The following LRRC4C variants were observed in gnomAD, a reference collection of about 807,000 sequenced individuals.
LRRC4C encodes the protein leucine rich repeat containing 4C.
A neutral mutation model predicts 33.6 loss-of-function variants in LRRC4C; 5 were observed. That is an observed-to-expected ratio of 0.15 (90% CI 0.08 to 0.31). The LOEUF (loss-of-function observed/expected upper bound fraction) is 0.31. Ranked by LOEUF, LRRC4C falls within the 10% of genes least tolerant of loss-of-function variation. The probability of loss-of-function intolerance (pLI) is 1.00; values close to 1 mark genes in which losing one functional copy is unlikely to be tolerated. For synonymous variants in LRRC4C, 329 were observed against 302.0 expected (o/e 1.09, Z -0.93); for missense variants, 560 against 796.7 (o/e 0.70, Z 3.58).
chr11:40,356,780 T>C (rs1354500339), intron 3 of LRRC4C, among the ~76,000 whole-genome samples: 2 of 152,160 alleles, frequency 1.3e-5, no homozygotes, highest in African/African-American at 2.4e-5. Context: ...ACCATACTAA[T>C]ATACATTCCC....
At chr11:40,676,315 C>T (rs772089794) in intron 2 of LRRC4C, among the ~76,000 whole-genome samples, 2 of 152,072 alleles carry the variant, frequency 1.3e-5, no homozygotes, top group Non-Finnish European at 2.9e-5. Flanking sequence ...TTGTCCAATC[C>T]TTGTCTTTTG....
intron 3 of LRRC4C, among the ~76,000 whole-genome samples, chr11:40,509,775 A>C (rs79257282): frequency 0.015 from 2,209 of 152,334 alleles, 56 homozygotes; most frequent in African/African-American, 0.05. Flanking sequence ...TATTTGAAAC[A>C]GTGAGGTAAT....
chr11:41,146,210 C>A (rs1943721437), intron 1 of LRRC4C, among the ~76,000 whole-genome samples: 2 of 152,110 alleles, frequency 1.3e-5, no homozygotes, highest in African/African-American at 4.8e-5. Context: ...AGAATGTAAT[C>A]ATTGTTAGTC....
chr11:41,099,263 G>T (rs1298764713), intron 1 of LRRC4C, among the ~76,000 whole-genome samples: 1 of 151,440 alleles, frequency 6.6e-6, no homozygotes, highest in Non-Finnish European at 1.5e-5. Context: ...GATATACAAA[G>T]AATAGCTGAT....
At chr11:41,408,225 T>C (rs1299369773) in intron 1 of LRRC4C, among the ~76,000 whole-genome samples, 1 of 152,200 alleles carries the variant, frequency 6.6e-6, no homozygotes, top group African/African-American at 2.4e-5. Flanking sequence ...TGTTATTACA[T>C]GTAGTCAGGA....
chr11:40,368,509 G>A (rs1025393479), intron 3 of LRRC4C, among the ~76,000 whole-genome samples: 1 of 152,116 alleles, frequency 6.6e-6, no homozygotes, highest in African/African-American at 2.4e-5. Context: ...ATTCCCACTA[G>A]ACAGTACGTT....
intron 1 of LRRC4C, among the ~76,000 whole-genome samples, chr11:41,206,950 T>G (rs974078771): frequency 1.3e-5 from 2 of 152,150 alleles, no homozygotes; most frequent in Non-Finnish European, 2.9e-5. Flanking sequence ...ACATTATAAG[T>G]ATATATGATG....
chr11:40,492,362 AT>A (rs1954204695), intron 3 of LRRC4C, among the ~76,000 whole-genome samples: 1 of 152,164 alleles, frequency 6.6e-6, no homozygotes, highest in African/African-American at 2.4e-5. Flanking sequence ...ATGAAAGACC[AT>A]TTTGCTTTCA....
chr11:41,151,922 A>G (rs1418367400), intron 1 of LRRC4C, among the ~76,000 whole-genome samples: 2 of 152,214 alleles, frequency 1.3e-5, no homozygotes, highest in Admixed American at 6.5e-5. Context: ...AGAATACATG[A>G]ATTATTTCCT....
chr11:40,633,498 C>G (rs1264088362), intron 3 of LRRC4C, among the ~76,000 whole-genome samples: 1 of 151,560 alleles, frequency 6.6e-6, no homozygotes, highest in East Asian at 1.9e-4. Flanking sequence ...AAGTGATTCT[C>G]CTGCCTCAGC....
At chr11:40,491,024 C>T (rs1410560464) in intron 3 of LRRC4C, among the ~76,000 whole-genome samples, 1 of 152,094 alleles carries the variant, frequency 6.6e-6, no homozygotes, top group Non-Finnish European at 1.5e-5. Flanking sequence ...TGGCTCACAC[C>T]TGCAACTCCT....
chr11:40,915,863 A>G (rs1414441310), intron 2 of LRRC4C, among the ~76,000 whole-genome samples: 2 of 152,160 alleles, frequency 1.3e-5, no homozygotes, highest in Non-Finnish European at 2.9e-5. Flanking sequence ...AAAAACAAAC[A>G]ACCCCATCAA....
intron 3 of LRRC4C, among the ~76,000 whole-genome samples, chr11:40,485,713 C>A (rs1326251429): frequency 6.6e-6 from 1 of 151,960 alleles, no homozygotes; most frequent in African/African-American, 2.4e-5. Context: ...CATGTATGTT[C>A]ATTGCAGCAC....
chr11:41,214,502 C>T (rs561651326), intron 1 of LRRC4C, among the ~76,000 whole-genome samples: 14 of 139,908 alleles, frequency 1.0e-4, no homozygotes, highest in African/African-American at 3.4e-4. Context: ...GAGGCCAAGG[C>T]GGGTGGATCA....
At chr11:41,300,715 C>T (rs975789175) in intron 1 of LRRC4C, among the ~76,000 whole-genome samples, 1 of 152,196 alleles carries the variant, frequency 6.6e-6, no homozygotes, top group Non-Finnish European at 1.5e-5. Context: ...CTATCCAAAG[C>T]TAACCAGAAC....
chr11:40,211,835 T>A (rs1424966968), intron 5 of LRRC4C, among the ~76,000 whole-genome samples: 1 of 152,196 alleles, frequency 6.6e-6, no homozygotes, highest in African/African-American at 2.4e-5. Flanking sequence ...AATGTTGATA[T>A]GATGGCTGGA....
At chr11:41,048,178 C>T (rs11036201) in intron 1 of LRRC4C, among the ~76,000 whole-genome samples, 4,041 of 150,676 alleles carry the variant, frequency 0.027, 194 homozygotes, top group East Asian at 0.21. Context: ...GAATAAATTG[C>T]TATTTAAATA....
At position 41,264,802 on chromosome 11, in the gene LRRC4C, C is replaced by T. The variant is rs192478346; in HGVS notation, c.-496+194629G>A. ...ATATTTTTAGAAACAGAGAAAAATCCAAATTAGAATACACTTGCGTACAAC... is the reference window on the plus strand; with the variant it reads ...ATATTTTTAGAAACAGAGAAAAATCTAAATTAGAATACACTTGCGTACAAC... On this transcript the variant is annotated intron_variant, in intron 1 of 6. Coordinates refer to ENST00000528697, the MANE Select transcript of LRRC4C (RefSeq NM_001258419.2). Among the ~76,000 whole-genome samples the T allele has an allele frequency of 2.1e-3, 322 of 152,070 alleles. 2 individuals carry two copies. The highest frequency in any genetic ancestry group is 7.4e-3 in the African/African-American group (307 of 41,514).
intron 2 of LRRC4C, among the ~76,000 whole-genome samples, chr11:40,909,442 G>T (rs1956567869): frequency 1.3e-5 from 2 of 152,140 alleles, no homozygotes; most frequent in African/African-American, 4.8e-5. Context: ...AACTAGCAAA[G>T]AAACATACAA....
Sources: allele counts gnomAD v4.1 joint callset (sites outside exome capture counted in the v4.1 genomes callset), GRCh38; gene constraint gnomAD v4.1.1; transcripts MANE v1.5; gene names NCBI Gene and HGNC (gene_info 2026-07-23, HGNC 2026-07-21).